The following SOX6 variants were observed in gnomAD, a reference collection of about 807,000 sequenced individuals.
SOX6 encodes the protein SRY-box transcription factor 6.
SOX6 carries 11 observed loss-of-function variants against 97.8 expected under a neutral mutation model. The ratio of observed to expected loss-of-function variants is 0.11; its 90% CI spans 0.07 to 0.19. SOX6 has a LOEUF of 0.19. SOX6 is among the 10% of genes least tolerant of loss of function. The pLI is 1.00. For synonymous variants in SOX6, 360 were observed against 371.4 expected, an observed-to-expected ratio of 0.97 and a Z score of 0.35; for missense variants, 810 against 1,039.5, an observed-to-expected ratio of 0.78 and a Z score of 3.04.
chr11:16,372,789 C>A (rs1390269198), intron 1 of SOX6, among the ~76,000 whole-genome samples: 1 of 152,040 alleles, frequency 6.6e-6, no homozygotes, highest in Non-Finnish European at 1.5e-5. Flanking sequence ...ATATCACCAG[C>A]TGGACACGTG....
intron 1 of SOX6, among the ~76,000 whole-genome samples, chr11:16,419,119 C>T (rs905663079): frequency 5.9e-5 from 9 of 152,154 alleles, no homozygotes; most frequent in Non-Finnish European, 1.2e-4. Flanking sequence ...CAACTTGGCA[C>T]AGATTTAAGA....
Position 15,972,590 on chromosome 11 carries a change from A to G in SOX6, c.*219T>C, listed in dbSNP as rs1379164935. Reference sequence around the variant, plus strand: ...TCATATTTAATATGTCTTCACCTAAATTAAAAAAACAACAACAACAACAAT... The same window carrying G: ...TCATATTTAATATGTCTTCACCTAAGTTAAAAAAACAACAACAACAACAAT... On this transcript the variant is annotated 3_prime_UTR_variant, in exon 16 of 16. Coordinates refer to ENST00000683767, the MANE Select transcript of SOX6 (RefSeq NM_001367873.1). The G allele has an allele frequency of 6.8e-6, 4 of 586,886 alleles. No homozygotes were observed. Among genetic ancestry groups the G allele is most frequent in the Non-Finnish European group, 9.0e-6 (3 of 333,134 alleles). 36.4% of individuals were successfully genotyped at this position (586,886 alleles called of 1,614,324 possible). A position where few individuals can be genotyped will look rare whatever the true frequency, so the allele number is the denominator to read the frequency against.
At chr11:16,554,011 G>A (rs1847720627) in intron 4 of SOX6, among the ~76,000 whole-genome samples, 1 of 152,060 alleles carries the variant, frequency 6.6e-6, no homozygotes, top group Non-Finnish European at 1.5e-5. Flanking sequence ...GGCCCTACTA[G>A]GAGGGGGTAC....
intron 1 of SOX6, among the ~76,000 whole-genome samples, chr11:16,437,937 G>GT (rs1565145897): frequency 6.6e-6 from 1 of 152,172 alleles, no homozygotes; most frequent in Non-Finnish European, 1.5e-5. Flanking sequence ...ATAAGCATGT[G>GT]TGAGTGTAGG....
chr11:16,466,930 CAAAAAAAAAAAAAAA>C lies in SOX6; in HGVS notation c.-5+9370_-5+9384del, dbSNP rs764424447. On this transcript the variant is annotated intron_variant, in intron 1 of 15. Transcript: ENST00000396356. ...TGGGCGACAGAGCGAGACTCCGTCT[CAAAAAAAAAAAAAAA>C]AAAAAAAAACAACTCCATGAAAAAG... 9.6e-5 allele frequency among the ~76,000 whole-genome samples: 4 copies of C among 41,546 alleles called. No individual in the cohort carries two copies. In the Admixed American group the frequency reaches 1.4e-3, roughly 14 times the overall value. 27.3% of individuals were successfully genotyped at this position (41,546 alleles called of 152,430 possible). A position where few individuals can be genotyped will look rare whatever the true frequency, so the allele number is the denominator to read the frequency against.
intron 1 of SOX6, among the ~76,000 whole-genome samples, chr11:16,361,673 G>T (rs1200902120): frequency 6.6e-6 from 1 of 152,138 alleles, no homozygotes; most frequent in African/African-American, 2.4e-5. Context: ...CTGAACCAGT[G>T]AAATACAACC....
chr11:16,099,419 C>T (rs765686411), intron 7 of SOX6, among the ~76,000 whole-genome samples: 14 of 151,592 alleles, frequency 9.2e-5, no homozygotes, highest in East Asian at 1.9e-4. Flanking sequence ...AATCACAAAA[C>T]GATGCTGAAT....
intron 1 of SOX6, among the ~76,000 whole-genome samples, chr11:16,395,421 C>G (rs891883742): frequency 2.0e-5 from 3 of 151,720 alleles, no homozygotes; most frequent in African/African-American, 7.3e-5. Context: ...AGGAATCACT[C>G]TGATGAAGAG....
intron 4 of SOX6, among the ~76,000 whole-genome samples, chr11:16,513,087 T>C (rs1001686617): frequency 2.0e-5 from 3 of 152,356 alleles, no homozygotes; most frequent in African/African-American, 7.2e-5. Context: ...CTTTCTAGTT[T>C]CTAGTTTCTA....
intron 1 of SOX6, among the ~76,000 whole-genome samples, chr11:16,425,982 C>A (rs190390038): frequency 6.6e-6 from 1 of 151,586 alleles, no homozygotes; most frequent in East Asian, 1.9e-4. Flanking sequence ...TAAGGCTGGG[C>A]GCAGTGGCTC....
At chr11:16,189,873 C>A (rs1315181056) in intron 4 of SOX6, among the ~76,000 whole-genome samples, 2 of 151,788 alleles carry the variant, frequency 1.3e-5, no homozygotes, top group Non-Finnish European at 2.9e-5. Flanking sequence ...GAAGAGCTTA[C>A]ACAGGAAATT....
chr11:16,572,701 T>G (rs1233454570), intron 4 of SOX6, among the ~76,000 whole-genome samples: 1 of 152,210 alleles, frequency 6.6e-6, no homozygotes. Context: ...GTCAGGCCAT[T>G]GCAATTACTG....
intron 1 of SOX6, among the ~76,000 whole-genome samples, chr11:16,469,245 C>T (rs537863287): frequency 5.3e-5 from 8 of 152,076 alleles, no homozygotes; most frequent in African/African-American, 1.9e-4. Context: ...TCTGGTGCTA[C>T]AAAAACGAAG....
intron 4 of SOX6, among the ~76,000 whole-genome samples, chr11:16,516,217 A>G (rs1029497776): frequency 6.6e-6 from 1 of 151,372 alleles, no homozygotes; most frequent in Admixed American, 6.6e-5. Context: ...ATCCTCTTTT[A>G]TTTCATTGAG....
At chr11:16,478,365 A>G (rs918038704), upstream of SOX6, among the ~76,000 whole-genome samples, 2 of 152,350 alleles carry the variant, frequency 1.3e-5, no homozygotes, top group Non-Finnish European at 2.9e-5. Context: ...TGTGGTTAGC[A>G]TAGATTTAAT....
In SOX6 at chr11:16,636,120, C is replaced by A. The variant is rs117467725; in HGVS notation, n.430-23860G>T. 3.2e-3 allele frequency among the ~76,000 whole-genome samples: 480 copies of A among 152,186 alleles called. 21 individuals carry two copies. The East Asian group carries it at 0.079, about 25-fold the overall frequency. ...TCCTCCAGACTTCAGAATGGTAAAC[C>A]CACTGACAGCTTGCACCATACTCCT... On this transcript the variant is annotated intron_variant and non_coding_transcript_variant, in intron 3 of 5. Coordinates refer to the SOX6 transcript ENST00000524520.
intron 2 of SOX6, among the ~76,000 whole-genome samples, chr11:16,330,503 G>A (rs1856256504): frequency 1.3e-5 from 2 of 152,164 alleles, no homozygotes; most frequent in Admixed American, 1.3e-4. Flanking sequence ...GTTCCAGTGA[G>A]TCGATATCAA....
intron 4 of SOX6, among the ~76,000 whole-genome samples, chr11:16,583,518 T>A (rs1244729338): frequency 6.7e-6 from 1 of 150,046 alleles, no homozygotes; most frequent in South Asian, 2.1e-4. Flanking sequence ...CTTCCATATA[T>A]GAGTGACAAC....
At chr11:16,307,738 T>C (rs2134284289) in intron 3 of SOX6, among the ~76,000 whole-genome samples, 1 of 152,354 alleles carries the variant, frequency 6.6e-6, no homozygotes, top group East Asian at 1.9e-4. Flanking sequence ...ATTCTGCTGC[T>C]GTTGTTGCCG....
Sources: gnomAD v4.1 joint callset for allele counts (sites outside exome capture counted in the v4.1 genomes callset) on GRCh38, gnomAD v4.1.1 for gene constraint, MANE v1.5 for transcripts, NCBI Gene and HGNC (gene_info 2026-07-23, HGNC 2026-07-21) for gene names.